Variants in RBM47 observed in about 807,000 individuals in gnomAD.
The protein encoded by RBM47 is RNA binding motif protein 47, also known as RNA-binding protein 47.
Under a neutral mutation model 47.1 loss-of-function variants are expected in RBM47, and 21 were observed. The observed-to-expected ratio is 0.45, with a 90% CI of 0.32 to 0.64. RBM47 has a LOEUF of 0.64. Among genes scored for constraint, RBM47 ranks in the 30% least tolerant of loss-of-function variants. The pLI, the probability that RBM47 is intolerant of heterozygous loss-of-function variation, is 0.05. For synonymous variants in RBM47, 375 were observed against 361.7 expected (o/e 1.04, Z -0.42); for missense variants, 708 against 870.9 (o/e 0.81, Z 2.35).
At chr4:40,591,950 T>C (rs138876949) in intron 1 of RBM47, among the ~76,000 whole-genome samples, 12 of 152,274 alleles carry the variant, frequency 7.9e-5, no homozygotes, top group African/African-American at 2.6e-4. Context: ...AGTTAATATA[T>C]ATTTTGGATG....
Position 40,437,995 on chromosome 4 carries a change from T to C in RBM47, c.899A>G (p.Asn300Ser). 1 of 1,613,606 alleles carries C rather than the reference T, an allele frequency of 6.2e-7. No individual in the cohort carries two copies. The highest frequency in any genetic ancestry group is 1.3e-5 in the African/African-American group (1 of 75,054). ...GCCCTCCAGCTCAGTGCCGTTGAGGTTGTTCATGGCATGCACGGCATCCTC... is the reference window on the plus strand; with the variant it reads ...GCCCTCCAGCTCAGTGCCGTTGAGGCTGTTCATGGCATGCACGGCATCCTC... Reference protein sequence around the residue: ...SREDAVHAMNNLNGTELEGSC... With the variant: ...SREDAVHAMNSLNGTELEGSC... The change falls in exon 4 of 7, where the codon AAC becomes AGC. Residue 300 changes from asparagine to serine, a missense_variant. By Grantham distance (46) the Asn-to-Ser change is conservative. Transcript: ENST00000295971.
intron 3 of RBM47, among the ~76,000 whole-genome samples, chr4:40,445,745 A>G (rs1338973480): frequency 6.6e-6 from 1 of 152,236 alleles, no homozygotes; most frequent in African/African-American, 2.4e-5. Context: ...AAAAGCCCAT[A>G]TACCATCAGA....
Position 40,544,145 on chromosome 4 carries a change from A to G in RBM47, c.-155+277T>C, listed in dbSNP as rs372485879. The G allele has an allele frequency of 7.9e-5, 12 of 152,330 alleles. No homozygotes were observed. In the East Asian group the frequency reaches 2.3e-3, roughly 29 times the overall value. The allele number at this position is 152,330 out of a possible 1,614,324, so 9.4% of individuals were successfully genotyped here. On this transcript the variant is annotated intron_variant, in intron 2 of 6. Coordinates refer to ENST00000295971, the MANE Select transcript of RBM47 (RefSeq NM_001098634.2). ...ACCCACCACCAGACATTTTCATGAA[A>G]TCAGTATTAAAAGAGTTTCACTGAA...
chr4:40,560,492 G>A (rs1245936332), intron 1 of RBM47, among the ~76,000 whole-genome samples: 1 of 152,216 alleles, frequency 6.6e-6, no homozygotes, highest in Non-Finnish European at 1.5e-5. Flanking sequence ...TGGATTGAAT[G>A]AGGACACCTC....
Position 40,438,216 on chromosome 4 carries a change from G to C in RBM47, c.678C>G (p.Ile226Met). The change falls in exon 4 of 7, where the codon ATC becomes ATG. Residue 226 changes from isoleucine to methionine, a missense_variant. Physicochemically the swap from Ile to Met is conservative, Grantham distance 10. Coordinates refer to ENST00000295971, the MANE Select transcript of RBM47 (RefSeq NM_001098634.2). ...TCTCAGGTTCGGCCCAGTCCACGGCGATCTGGTGGCCCCACAGCTGGATGC... is the reference window on the plus strand; with the variant it reads ...TCTCAGGTTCGGCCCAGTCCACGGCCATCTGGTGGCCCCACAGCTGGATGC... ...PGRIQLWGHQIAVDWAEPEID... is the reference protein window; with the variant it reads ...PGRIQLWGHQMAVDWAEPEID... 2 of 1,606,014 alleles carry C rather than the reference G, an allele frequency of 1.2e-6. No homozygotes were observed. The highest frequency in any genetic ancestry group is 1.7e-6 in the Non-Finnish European group (2 of 1,179,952).
intron 2 of RBM47, among the ~76,000 whole-genome samples, chr4:40,485,913 A>T (rs1721003206): frequency 6.6e-6 from 1 of 150,722 alleles, no homozygotes; most frequent in Admixed American, 6.6e-5. Flanking sequence ...AAAAAAAAAA[A>T]TACAAACATT....
intron 2 of RBM47, among the ~76,000 whole-genome samples, chr4:40,511,414 A>C (rs759668186): frequency 1.3e-5 from 2 of 152,256 alleles, no homozygotes; most frequent in African/African-American, 2.4e-5. Flanking sequence ...GATAACAAAC[A>C]AGAACGCTTG....
chr4:40,536,848 C>A (rs2154260856), intron 2 of RBM47, among the ~76,000 whole-genome samples: 1 of 152,202 alleles, frequency 6.6e-6, no homozygotes, highest in Middle Eastern at 3.4e-3. Flanking sequence ...GCCTCAGCCT[C>A]CTTAGTAGCT....
intron 5 of RBM47, among the ~76,000 whole-genome samples, chr4:40,436,171 CAA>C (rs68002544): frequency 3.2e-4 from 42 of 130,236 alleles, no homozygotes; most frequent in Admixed American, 5.5e-4. Flanking sequence ...GACTCTGTCT[CAA>C]AAAAAAAAAA....
At chr4:40,492,023 T>G (rs184664817) in intron 2 of RBM47, 3 of 151,278 alleles carry the variant, frequency 2.0e-5, no homozygotes, top group Admixed American at 6.6e-5. Flanking sequence ...ATCCAGCTTA[T>G]CTCACGAATT....
chr4:40,565,926 G>A (rs764091935), intron 1 of RBM47, among the ~76,000 whole-genome samples: 9 of 151,914 alleles, frequency 5.9e-5, no homozygotes, highest in African/African-American at 7.3e-5. Context: ...AAACTAGCCC[G>A]GCGCGGTGGC....
intron 1 of RBM47, among the ~76,000 whole-genome samples, chr4:40,564,270 T>A (rs1560472042): frequency 6.6e-6 from 1 of 152,172 alleles, no homozygotes; most frequent in Non-Finnish European, 1.5e-5. Context: ...CTGGGCTCTT[T>A]CCTCTTCTGG....
chr4:40,527,414 G>C (rs1215563551), intron 2 of RBM47, among the ~76,000 whole-genome samples: 1 of 146,974 alleles, frequency 6.8e-6, no homozygotes, highest in Non-Finnish European at 1.5e-5. Flanking sequence ...AGCCTGCCAA[G>C]TAGCTGAGAT....
intron 1 of RBM47, among the ~76,000 whole-genome samples, chr4:40,600,113 A>T (rs1735108810): frequency 6.6e-6 from 1 of 151,634 alleles, no homozygotes; most frequent in Non-Finnish European, 1.5e-5. Context: ...GCTCAAAGTG[A>T]TCCTCCCACC....
intron 1 of RBM47, among the ~76,000 whole-genome samples, chr4:40,567,624 T>C (rs1345650935): frequency 1.3e-5 from 2 of 151,996 alleles, no homozygotes; most frequent in Admixed American, 1.3e-4. Flanking sequence ...GGGTGGCCCA[T>C]ATAATGGTTT....
chr4:40,608,404 T>C (rs187032534), intron 1 of RBM47, among the ~76,000 whole-genome samples: 134 of 152,316 alleles, frequency 8.8e-4, no homozygotes, highest in African/African-American at 2.9e-3. Flanking sequence ...CTCACTGATA[T>C]AATAAGCAGA....
chr4:40,593,088 A>G (rs2154275689), intron 1 of RBM47, among the ~76,000 whole-genome samples: 1 of 135,196 alleles, frequency 7.4e-6, no homozygotes, highest in South Asian at 2.5e-4. Context: ...TCCGCCTCCC[A>G]GGTTCACGCC....
intron 1 of RBM47, among the ~76,000 whole-genome samples, chr4:40,627,018 T>C (rs1475703748): frequency 6.6e-6 from 1 of 152,236 alleles, no homozygotes; most frequent in Non-Finnish European, 1.5e-5. Context: ...AGTTGCTCTT[T>C]GAAGCCACTA....
chr4:40,478,394 A>G (rs934896522), intron 2 of RBM47, among the ~76,000 whole-genome samples: 1 of 152,190 alleles, frequency 6.6e-6, no homozygotes, highest in African/African-American at 2.4e-5. Flanking sequence ...TTTACAAAGC[A>G]TCTTTGATTT....
Sources: allele counts gnomAD v4.1 joint callset (sites outside exome capture counted in the v4.1 genomes callset), GRCh38; gene constraint gnomAD v4.1.1; transcripts MANE v1.5; gene names NCBI Gene and HGNC (gene_info 2026-07-23, HGNC 2026-07-21).